Variants in MYRIP observed in about 807,000 individuals in gnomAD.
MYRIP encodes myosin VIIA and Rab interacting protein.
Under a neutral mutation model 98.0 loss-of-function variants are expected in MYRIP, and 49 were observed. The ratio of observed to expected loss-of-function variants is 0.50; its 90% confidence interval spans 0.40 to 0.63. The LOEUF (loss-of-function observed/expected upper bound fraction) is 0.63, where lower values mean the gene tolerates loss of function less well. MYRIP is among the 30% of genes least tolerant of loss of function. The probability of loss-of-function intolerance (pLI) is 0.00; values close to 1 mark genes in which losing one functional copy is unlikely to be tolerated. For synonymous variants in MYRIP, 404 were observed against 409.5 expected, an observed-to-expected ratio of 0.99 and a Z score of 0.16; for missense variants, 1,004 against 1,058.2, an observed-to-expected ratio of 0.95 and a Z score of 0.71.
chr3:39,970,780 G>T (rs761436379), intron 2 of MYRIP, among the ~76,000 whole-genome samples: 49 of 152,074 alleles, frequency 3.2e-4, no homozygotes, highest in Non-Finnish European at 6.3e-4. Flanking sequence ...AGTAGTAATT[G>T]TGTCTACATG....
intron 2 of MYRIP, among the ~76,000 whole-genome samples, chr3:40,029,582 A>G (rs193221001): frequency 2.4e-4 from 36 of 152,324 alleles, no homozygotes; most frequent in Admixed American, 2.1e-3. Flanking sequence ...TAAATCCAGT[A>G]GCAGGGTAAG....
At chr3:40,161,288 CAGAA>C (rs1428117722) in intron 4 of MYRIP, among the ~76,000 whole-genome samples, 1 of 152,172 alleles carries the variant, frequency 6.6e-6, no homozygotes, top group Non-Finnish European at 1.5e-5. Flanking sequence ...TAAAAGGAAA[CAGAA>C]AGAGAGGTGT....
intron 1 of MYRIP, among the ~76,000 whole-genome samples, chr3:39,822,466 C>T (rs1365763952): frequency 6.6e-6 from 1 of 150,796 alleles, no homozygotes; most frequent in Non-Finnish European, 1.5e-5. Context: ...TTTTTTTTTG[C>T]GATTTTTTTT....
At chr3:39,840,571 A>G (rs1941770893) in intron 1 of MYRIP, among the ~76,000 whole-genome samples, 1 of 151,808 alleles carries the variant, frequency 6.6e-6, no homozygotes, top group African/African-American at 2.4e-5. Flanking sequence ...CATAGTGTTG[A>G]TTTGATATGC....
At chr3:40,169,271 C>G (rs1950560821) in intron 7 of MYRIP, among the ~76,000 whole-genome samples, 1 of 152,204 alleles carries the variant, frequency 6.6e-6, no homozygotes, top group Admixed American at 6.5e-5. Flanking sequence ...TCTCTGGGCT[C>G]TCAGCCTTCC....
chr3:40,080,651 A>C (rs1575521224), intron 3 of MYRIP, among the ~76,000 whole-genome samples: 1 of 151,902 alleles, frequency 6.6e-6, no homozygotes, highest in Admixed American at 6.6e-5. Context: ...ATCTGTCTGC[A>C]TCTCTAGTAT....
chr3:39,875,172 G>T (rs913650512), intron 1 of MYRIP, among the ~76,000 whole-genome samples: 16 of 152,120 alleles, frequency 1.1e-4, no homozygotes, highest in Non-Finnish European at 1.9e-4. Context: ...GTATTTCTGT[G>T]GGATCAGTGG....
chr3:39,945,495 A>AG (rs1354671738), intron 2 of MYRIP, among the ~76,000 whole-genome samples: 27 of 143,596 alleles, frequency 1.9e-4, no homozygotes, highest in Non-Finnish European at 7.4e-5. Context: ...AAAAAAAGAA[A>AG]AAAGAAAAAA....
intron 2 of MYRIP, among the ~76,000 whole-genome samples, chr3:39,944,014 G>T (rs574729230): frequency 1.3e-5 from 2 of 152,164 alleles, no homozygotes; most frequent in Admixed American, 1.3e-4. Flanking sequence ...TTCCACACAG[G>T]TCCACAAAAC....
At chr3:40,016,010 T>A (rs1946853945) in intron 2 of MYRIP, among the ~76,000 whole-genome samples, 1 of 152,022 alleles carries the variant, frequency 6.6e-6, no homozygotes, top group Admixed American at 6.6e-5. Flanking sequence ...TGGGCAAAGG[T>A]GGCCATGCCC....
intron 1 of MYRIP, among the ~76,000 whole-genome samples, chr3:39,851,027 C>G (rs1160326371): frequency 1.3e-5 from 2 of 152,108 alleles, no homozygotes; most frequent in East Asian, 3.8e-4. Flanking sequence ...AGTCAGGAAA[C>G]AAAAGCAGGG....
In MYRIP at chr3:40,088,671, T is replaced by G. The variant is rs559334954; in HGVS notation, c.332+44400T>G. Among the ~76,000 whole-genome samples the G allele has an allele frequency of 1.1e-4, 16 of 152,124 alleles. No individual in the cohort carries two copies. In the South Asian group the frequency reaches 1.3e-3, roughly 12 times the overall value. On this transcript the variant is annotated intron_variant, in intron 3 of 16. Transcript: ENST00000302541. ...CAGGCAGTGCAGAGGCCCTTAGGTATGTGAGCCAGGAAACCAGAGCCCATC... is the reference window on the plus strand; with the variant it reads ...CAGGCAGTGCAGAGGCCCTTAGGTAGGTGAGCCAGGAAACCAGAGCCCATC...
chr3:39,994,129 G>GATTTCTGC (rs1198800793), intron 2 of MYRIP, among the ~76,000 whole-genome samples: 1 of 152,234 alleles, frequency 6.6e-6, no homozygotes, highest in Non-Finnish European at 1.5e-5. Context: ...GAAGACAGGT[G>GATTTCTGC]ATTTCTGCAT....
At chr3:40,131,310 T>A (rs1041410625) in intron 3 of MYRIP, among the ~76,000 whole-genome samples, 1 of 152,216 alleles carries the variant, frequency 6.6e-6, no homozygotes, top group African/African-American at 2.4e-5. Context: ...ATATTTGTTA[T>A]TTTTTACTGT....
rs374531196 is a variant in MYRIP at position 39,841,879 on chromosome 3, T to C, written c.-31+31963T>C. 4.6e-5 allele frequency among the ~76,000 whole-genome samples: 7 copies of C among 152,280 alleles called. No homozygotes were observed. In the South Asian group the frequency reaches 1.5e-3, roughly 32 times the overall value. On this transcript the variant is annotated intron_variant, in intron 1 of 16. Transcript: ENST00000302541. ...AGATGCCAGCTGGAGCTCTGCTGTATAAGGTGTCTGTCAACCCCTGCTGGG... is the reference window on the plus strand; with the variant it reads ...AGATGCCAGCTGGAGCTCTGCTGTACAAGGTGTCTGTCAACCCCTGCTGGG...
intron 2 of MYRIP, among the ~76,000 whole-genome samples, chr3:39,935,738 A>G (rs1362103000): frequency 6.6e-6 from 1 of 152,152 alleles, no homozygotes; most frequent in East Asian, 1.9e-4. Context: ...TGTCAAGGAC[A>G]AGCAGGAACA....
chr3:39,956,285 A>G (rs545330770), intron 2 of MYRIP, among the ~76,000 whole-genome samples: 2 of 152,088 alleles, frequency 1.3e-5, no homozygotes, highest in Non-Finnish European at 2.9e-5. Context: ...GAAGTAAAGC[A>G]CTCCTCAGCA....
At chr3:39,861,060 A>G (rs1942453653) in intron 1 of MYRIP, among the ~76,000 whole-genome samples, 1 of 152,218 alleles carries the variant, frequency 6.6e-6, no homozygotes, top group Non-Finnish European at 1.5e-5. Context: ...GCAACCCACT[A>G]GTGGAGCGCT....
intron 2 of MYRIP, among the ~76,000 whole-genome samples, chr3:40,026,499 A>T (rs931450765): frequency 5.9e-5 from 9 of 152,186 alleles, no homozygotes; most frequent in African/African-American, 2.2e-4. Flanking sequence ...TTACAAAGGT[A>T]ACAGGATTAA....
Sources: gnomAD v4.1 joint callset for allele counts (sites outside exome capture counted in the v4.1 genomes callset) on GRCh38, gnomAD v4.1.1 for gene constraint, MANE v1.5 for transcripts, NCBI Gene and HGNC (gene_info 2026-07-23, HGNC 2026-07-21) for gene names.